The following LIN7A variants were observed in gnomAD, a reference collection of about 807,000 sequenced individuals.
The protein encoded by LIN7A is lin-7 cell polarity scaffold A.
Under a neutral mutation model 29.8 loss-of-function variants are expected in LIN7A, and 25 were observed. That is an observed-to-expected ratio of 0.84 (90% CI 0.61 to 1.17). The LOEUF is 1.17. LIN7A is among the 50% of genes most tolerant of loss of function. The pLI is 0.00. For missense variants in LIN7A, 239 were observed against 287.0 expected (o/e 0.83, Z 1.21); for synonymous variants, 118 against 107.5 (o/e 1.10, Z -0.60).
chr12:80,885,641 G>T (rs965885578), intron 2 of LIN7A, among the ~76,000 whole-genome samples: 1 of 152,066 alleles, frequency 6.6e-6, no homozygotes, highest in Non-Finnish European at 1.5e-5. Flanking sequence ...CTTGATAGAG[G>T]AATGCCTTTC....
intron 1 of LIN7A, among the ~76,000 whole-genome samples, chr12:80,920,544 AAGAC>A (rs1877249586): frequency 2.0e-5 from 3 of 152,336 alleles, no homozygotes; most frequent in African/African-American, 7.2e-5. Context: ...CAATACAAAA[AAGAC>A]AGAGCAAAAT....
chr12:80,885,880 G>A (rs746134563), intron 2 of LIN7A, among the ~76,000 whole-genome samples: 2 of 152,044 alleles, frequency 1.3e-5, no homozygotes, highest in Non-Finnish European at 2.9e-5. Context: ...GCAAAATATG[G>A]AATTATTTCA....
intron 2 of LIN7A, among the ~76,000 whole-genome samples, chr12:80,887,995 C>G (rs949489273): frequency 2.6e-5 from 4 of 152,108 alleles, no homozygotes; most frequent in Admixed American, 2.0e-4. Flanking sequence ...GGAGTGACAA[C>G]CATAATCAAG....
intron 4 of LIN7A, among the ~76,000 whole-genome samples, chr12:80,812,369 A>G (rs1871331341): frequency 6.6e-6 from 1 of 152,040 alleles, no homozygotes; most frequent in South Asian, 2.1e-4. Flanking sequence ...ATAGAAAAGG[A>G]ATTCTTAATT....
intron 2 of LIN7A, among the ~76,000 whole-genome samples, chr12:80,883,780 T>C (rs1305323517): frequency 2.0e-5 from 3 of 152,108 alleles, no homozygotes; most frequent in Non-Finnish European, 4.4e-5. Context: ...GGTAGCCAAG[T>C]TGGGATTCAA....
intron 2 of LIN7A, 51 bp from the exon 3 acceptor site, chr12:80,848,373 A>C (rs765724314): frequency 7.8e-7 from 1 of 1,285,626 alleles, no homozygotes; most frequent in Admixed American, 1.8e-5. Context: ...AAGAATAATA[A>C]TTCTTTTATT....
chr12:80,805,125 A>G (rs950500344), intron 5 of LIN7A, among the ~76,000 whole-genome samples: 2 of 152,124 alleles, frequency 1.3e-5, no homozygotes, highest in African/African-American at 2.4e-5. Context: ...AAGTAATTTA[A>G]TATATATGAG....
At position 80,845,784 on chromosome 12, in the gene LIN7A, A is replaced by G. The variant is rs774408530; in HGVS notation, c.429T>C (p.Ala143=). Residue 143 remains alanine (A), a synonymous_variant, in exon 4 of 6, where the codon GCT becomes GCC. Coordinates refer to ENST00000552864, the MANE Select transcript of LIN7A (RefSeq NM_004664.4). Reference sequence around the variant, plus strand: ...CTCTTTTGAGGCCTCCGTGTCTTTCAGCCACCCCTCCAGGAATTATGCGAG... The same window carrying G: ...CTCTTTTGAGGCCTCCGTGTCTTTCGGCCACCCCTCCAGGAATTATGCGAG... ...YISRIIPGGV[A]ERHGGLKRGD... is the part of the protein sequence containing the mutation. 1.9e-6 allele frequency: 3 copies of G among 1,613,826 alleles called. No individual in the cohort carries two copies. Among genetic ancestry groups the G allele is most frequent in the African/African-American group, 2.7e-5 (2 of 74,894 alleles).
chr12:80,805,921 G>A lies in LIN7A; in HGVS notation c.*5544C>T, dbSNP rs146471174. On this transcript the variant is annotated intron_variant, in intron 5 of 5. Coordinates refer to ENST00000552864, the MANE Select transcript of LIN7A (RefSeq NM_004664.4). ...TTCTCTTGCTGAGACCATGTAAGAC[G>A]TGCCTTTCAGTCTGGGCATGGTGGC... is the stretch of plus-strand genomic sequence containing the variant. Among the ~76,000 whole-genome samples the A allele has an allele frequency of 1.1e-4, 11 of 100,980 alleles. No individual in the cohort carries two copies. The East Asian group carries it at 1.7e-3, about 15-fold the overall frequency. The allele number at this position is 100,980 out of a possible 152,430, so 66.2% of individuals were successfully genotyped here.
intron 1 of LIN7A, among the ~76,000 whole-genome samples, chr12:80,906,415 C>A (rs577860137): frequency 6.6e-6 from 1 of 152,246 alleles, no homozygotes; most frequent in East Asian, 1.9e-4. Flanking sequence ...CCTAGTGATT[C>A]CAATTCAGTT....
chr12:80,854,467 G>T (rs1197513351), intron 2 of LIN7A, among the ~76,000 whole-genome samples: 5 of 95,132 alleles, frequency 5.3e-5, no homozygotes, highest in African/African-American at 1.3e-4. Context: ...AGATGAATCT[G>T]AAATGCATGT....
At chr12:80,869,151 T>TAA (rs3072373) in intron 2 of LIN7A, among the ~76,000 whole-genome samples, 35,889 of 144,492 alleles carry the variant, frequency 0.25, 5,264 homozygotes, top group African/African-American at 0.43. Flanking sequence ...AATAAATAAA[T>TAA]ATATATATAT....
At chr12:80,803,766 A>G (rs554530835) in intron 5 of LIN7A, among the ~76,000 whole-genome samples, 4 of 152,318 alleles carry the variant, frequency 2.6e-5, no homozygotes, top group African/African-American at 7.2e-5. Flanking sequence ...GGTAATTTTT[A>G]TGGTAGCCAT....
intron 1 of LIN7A, among the ~76,000 whole-genome samples, chr12:80,910,200 A>G (rs747197259): frequency 1.3e-5 from 2 of 152,152 alleles, no homozygotes; most frequent in Non-Finnish European, 2.9e-5. Context: ...TATTATACAG[A>G]AATACAACTG....
intron 4 of LIN7A, among the ~76,000 whole-genome samples, chr12:80,818,146 T>TTTTG (rs767165513): frequency 5.3e-5 from 8 of 152,248 alleles, no homozygotes; most frequent in East Asian, 1.9e-4. Context: ...CATGAAGTTC[T>TTTTG]TTTGTTTGTT....
In LIN7A at chr12:80,924,236, T is replaced by G. The variant is rs972485713; in HGVS notation, c.82+13405A>C. 2.5e-4 allele frequency among the ~76,000 whole-genome samples: 38 copies of G among 152,332 alleles called. 1 individual carries two copies. The highest frequency in any genetic ancestry group is 1.7e-3 in the South Asian group (8 of 4,828). On this transcript the variant is annotated intron_variant, in intron 1 of 5. Coordinates refer to ENST00000552864, the MANE Select transcript of LIN7A (RefSeq NM_004664.4). ...GTGTCACCATGCAAACTGGGTGTCA[T>G]AATTCCTATATTAAAGATGAAAGAA...
intron 4 of LIN7A, among the ~76,000 whole-genome samples, chr12:80,841,395 G>C (rs1872810929): frequency 6.9e-6 from 1 of 144,886 alleles, no homozygotes; most frequent in East Asian, 2.0e-4. Context: ...AAGGAAGGAA[G>C]GAAGGAAGGA....
At position 80,937,675 on chromosome 12, in the gene LIN7A, T is replaced by C. The variant is rs1878320152; in HGVS notation, c.48A>G (p.Thr16=). 2 of 1,568,222 alleles carry C rather than the reference T, an allele frequency of 1.3e-6. No individual in the cohort carries two copies. The highest frequency in any genetic ancestry group is 1.7e-4 in the Middle Eastern group (1 of 5,880). ...GGGTGAGCGGCTGGACCACTGTCAA[T>C]GTCGCCATGTCTGCCGTGGGAGCCG... ...VTSAPTADMA[T]LTVVQPLTLD... The change falls in exon 1 of 6, where the codon ACA becomes ACG. Residue 16 remains threonine, a synonymous_variant. Coordinates refer to ENST00000552864, the MANE Select transcript of LIN7A (RefSeq NM_004664.4).
chr12:80,880,467 A>G (rs1157901273), intron 2 of LIN7A, among the ~76,000 whole-genome samples: 1 of 152,236 alleles, frequency 6.6e-6, no homozygotes, highest in Non-Finnish European at 1.5e-5. Context: ...TCATTCCCAA[A>G]TAAAAACTTT....
Sources: allele counts gnomAD v4.1 joint callset (sites outside exome capture counted in the v4.1 genomes callset), GRCh38; gene constraint gnomAD v4.1.1; transcripts MANE v1.5; gene names NCBI Gene and HGNC (gene_info 2026-07-23, HGNC 2026-07-21).